The following PURG variants were observed in gnomAD, a reference collection of about 807,000 sequenced individuals.
PURG encodes purine-rich element-binding protein gamma.
In PURG, 3 loss-of-function variants were observed where a neutral mutation model predicts 24.3. The ratio of observed to expected loss-of-function variants is 0.12; its 90% CI spans 0.06 to 0.32. The LOEUF (loss-of-function observed/expected upper bound fraction) is 0.32. Ranked by LOEUF, PURG falls within the 10% of genes least tolerant of loss-of-function variation. The pLI is 1.00. For synonymous variants in PURG, 180 were observed against 173.1 expected, an observed-to-expected ratio of 1.04 and a Z score of -0.31; for missense variants, 371 against 439.1, an observed-to-expected ratio of 0.84 and a Z score of 1.39.
intron 1 of PURG, among the ~76,000 whole-genome samples, chr8:31,011,698 C>T (rs1810767068): frequency 6.6e-6 from 1 of 152,100 alleles, no homozygotes; most frequent in African/African-American, 2.4e-5. Context: ...CCAAAAGCTG[C>T]TTTGAATCAA....
At chr8:31,002,629 A>G (rs1810560248) in intron 1 of PURG, among the ~76,000 whole-genome samples, 1 of 151,944 alleles carries the variant, frequency 6.6e-6, no homozygotes, top group Admixed American at 6.6e-5. Context: ...GATTACAGGA[A>G]CTCACCACCA....
At chr8:30,999,051 T>A (rs1315966502) in intron 1 of PURG, among the ~76,000 whole-genome samples, 1 of 151,836 alleles carries the variant, frequency 6.6e-6, no homozygotes, top group Non-Finnish European at 1.5e-5. Context: ...ACAGAATGTA[T>A]GTGTATGGGT....
Position 31,009,149 on chromosome 8 carries a change from G to A in PURG, c.865-12452C>T, listed in dbSNP as rs544843911. On this transcript the variant is annotated intron_variant, in intron 1 of 1. Transcript: ENST00000339382. ...TACAGAAACAGAATAATTCGGACAG[G>A]TGCAGTGGCTCACACTTGTAATCCC... Among the ~76,000 whole-genome samples, 4 of 152,296 alleles carry A rather than the reference G, an allele frequency of 2.6e-5. No homozygotes were observed. In the South Asian group the frequency reaches 8.3e-4, roughly 32 times the overall value.
intron 1 of PURG, among the ~76,000 whole-genome samples, chr8:31,012,909 A>T (rs1810790719): frequency 1.3e-5 from 2 of 152,250 alleles, no homozygotes; most frequent in African/African-American, 2.4e-5. Flanking sequence ...TATTAATTAT[A>T]GCATAGATAT....
chr8:30,997,134 T>C (rs1585349077), intron 1 of PURG, among the ~76,000 whole-genome samples: 1 of 151,754 alleles, frequency 6.6e-6, no homozygotes, highest in African/African-American at 2.4e-5. Context: ...TTTTTGAAAA[T>C]AGAAATCAGT....
At chr8:31,025,460 A>G (rs1811072790) in intron 1 of PURG, among the ~76,000 whole-genome samples, 1 of 152,022 alleles carries the variant, frequency 6.6e-6, no homozygotes, top group Admixed American at 6.6e-5. Flanking sequence ...TAAAGTTTAA[A>G]GCAATGCTTT....
chr8:31,015,950 G>A (rs1214842183), intron 1 of PURG, among the ~76,000 whole-genome samples: 2 of 152,170 alleles, frequency 1.3e-5, no homozygotes, highest in African/African-American at 4.8e-5. Context: ...CTACTTGGGA[G>A]GCTGAGGTGG....
intron 1 of PURG, among the ~76,000 whole-genome samples, chr8:31,022,166 T>TA (rs1420816506): frequency 9.9e-5 from 15 of 152,142 alleles, no homozygotes; most frequent in African/African-American, 3.6e-4. Flanking sequence ...AGACGGAGTT[T>TA]AACCATGTTG....
chr8:31,017,288 A>G (rs1346716142), intron 1 of PURG, among the ~76,000 whole-genome samples: 1 of 152,126 alleles, frequency 6.6e-6, no homozygotes. Flanking sequence ...GGGACAAGAA[A>G]AAGGTGAATA....
intron 1 of PURG, among the ~76,000 whole-genome samples, chr8:31,025,508 G>A (rs919656124): frequency 5.3e-5 from 8 of 151,660 alleles, no homozygotes; most frequent in African/African-American, 1.2e-4. Flanking sequence ...TAAAATTCAC[G>A]GATACCAATC....
intron 1 of PURG, among the ~76,000 whole-genome samples, chr8:30,997,499 A>T (rs1489606024): frequency 6.6e-6 from 1 of 151,558 alleles, no homozygotes; most frequent in African/African-American, 2.4e-5. Context: ...GATAAACTTG[A>T]CTCCTTTCTG....
intron 1 of PURG, among the ~76,000 whole-genome samples, chr8:31,005,124 T>G (rs1810615898): frequency 6.6e-6 from 1 of 152,074 alleles, no homozygotes; most frequent in Non-Finnish European, 1.5e-5. Context: ...TTGAGTGAAA[T>G]AAGCCAAACA....
chr8:31,019,039 G>T (rs1163567031), intron 1 of PURG, among the ~76,000 whole-genome samples: 1 of 138,698 alleles, frequency 7.2e-6, no homozygotes, highest in Non-Finnish European at 1.5e-5. Flanking sequence ...CAGGAGAATG[G>T]CATGAACCCG....
chr8:30,997,464 C>T (rs1275347984), intron 1 of PURG, among the ~76,000 whole-genome samples: 1 of 151,600 alleles, frequency 6.6e-6, no homozygotes, highest in Non-Finnish European at 1.5e-5. Context: ...TGTGTTTGGT[C>T]TCCCCTTCAC....
At chr8:31,014,449 A>G (rs1810817148) in intron 1 of PURG, among the ~76,000 whole-genome samples, 1 of 152,186 alleles carries the variant, frequency 6.6e-6, no homozygotes, top group Non-Finnish European at 1.5e-5. Flanking sequence ...CAAAAGAAAA[A>G]CTTTTACAGA....
At chr8:30,996,876 A>G (rs9987093) in intron 1 of PURG, among the ~76,000 whole-genome samples, 24,068 of 151,764 alleles carry the variant, frequency 0.16, 2,288 homozygotes, top group African/African-American at 0.25. Flanking sequence ...AAGCTACTGC[A>G]TAAGAAATGT....
intron 1 of PURG, among the ~76,000 whole-genome samples, chr8:30,999,866 A>G (rs1810501572): frequency 6.6e-6 from 1 of 152,028 alleles, no homozygotes; most frequent in South Asian, 2.1e-4. Context: ...CAAATACTAT[A>G]TAGTCAAAGC....
At chr8:31,026,637 A>AATAC (rs571966734), downstream of PURG, among the ~76,000 whole-genome samples, 3 of 128,656 alleles carry the variant, frequency 2.3e-5, no homozygotes, top group Non-Finnish European at 5.2e-5. Context: ...TTTTAAAAAG[A>AATAC]ATATATATAT....
chr8:31,019,179 A>G (rs1810940179), intron 1 of PURG, among the ~76,000 whole-genome samples: 1 of 128,504 alleles, frequency 7.8e-6, no homozygotes, highest in South Asian at 2.5e-4. Context: ...ATATATATAT[A>G]TATATATATA....
Sources: allele counts gnomAD v4.1 joint callset (sites outside exome capture counted in the v4.1 genomes callset), GRCh38; gene constraint gnomAD v4.1.1; transcripts MANE v1.5; gene names NCBI Gene and HGNC (gene_info 2026-07-23, HGNC 2026-07-21).